GALNT17: variants seen among roughly 807,000 people sequenced by gnomAD.
The protein encoded by GALNT17 is polypeptide N-acetylgalactosaminyltransferase 17.
In GALNT17, 29 loss-of-function variants were observed where a neutral mutation model predicts 63.7. That is an observed-to-expected ratio of 0.46 (90% CI 0.34 to 0.62). The LOEUF is 0.62. Among genes scored for constraint, GALNT17 ranks in the 20% least tolerant of loss-of-function variants. The pLI, the probability that GALNT17 is intolerant of heterozygous loss-of-function variation, is 0.01. For missense variants in GALNT17, 603 were observed against 799.6 expected (o/e 0.75, Z 2.97); for synonymous variants, 305 against 318.3 (o/e 0.96, Z 0.45).
intron 3 of GALNT17, among the ~76,000 whole-genome samples, chr7:71,393,021 TA>T (rs1563059964): frequency 6.6e-6 from 1 of 152,238 alleles, no homozygotes; most frequent in African/African-American, 2.4e-5. Flanking sequence ...GCTATGAGTT[TA>T]TTTTTTTTAA....
At chr7:71,189,456 TTGA>T (rs1200475395) in intron 1 of GALNT17, among the ~76,000 whole-genome samples, 3 of 152,184 alleles carry the variant, frequency 2.0e-5, no homozygotes, top group African/African-American at 7.2e-5. Flanking sequence ...GGTGGCATGT[TTGA>T]TGTGTAGGCG....
At chr7:71,137,196 G>A (rs1299481798) in intron 1 of GALNT17, among the ~76,000 whole-genome samples, 2 of 146,848 alleles carry the variant, frequency 1.4e-5, no homozygotes, top group Non-Finnish European at 3.0e-5. Context: ...CTGGAGCGCA[G>A]TGGCGCGATC....
intron 5 of GALNT17, among the ~76,000 whole-genome samples, chr7:71,452,179 G>T (rs1787274114): frequency 6.6e-6 from 1 of 151,938 alleles, no homozygotes. Flanking sequence ...AGACTTTGAG[G>T]CTGCAGTGAG....
chr7:71,136,769 G>A (rs1787791303), intron 1 of GALNT17, among the ~76,000 whole-genome samples: 1 of 151,566 alleles, frequency 6.6e-6, no homozygotes, highest in African/African-American at 2.4e-5. Flanking sequence ...ACAGGTGTAA[G>A]CCACTGTGCC....
intron 1 of GALNT17, among the ~76,000 whole-genome samples, chr7:71,172,991 T>C (rs4719081): frequency 0.3 from 46,148 of 151,874 alleles, 8,109 homozygotes; most frequent in African/African-American, 0.48. Flanking sequence ...GGGGTTTGGG[T>C]TTTCTTGGCA....
intron 5 of GALNT17, among the ~76,000 whole-genome samples, chr7:71,519,500 G>A (rs921488551): frequency 6.6e-6 from 1 of 152,008 alleles, no homozygotes; most frequent in African/African-American, 2.4e-5. Context: ...GTCTCATTCT[G>A]TCACCCAGGC....
intron 3 of GALNT17, among the ~76,000 whole-genome samples, chr7:71,410,365 G>C (rs1331817584): frequency 2.0e-5 from 3 of 151,838 alleles, no homozygotes; most frequent in Non-Finnish European, 4.4e-5. Context: ...CCCACCTCAG[G>C]CTCCTGAATA....
chr7:71,534,598 C>CAAAA (rs371592743), intron 5 of GALNT17, among the ~76,000 whole-genome samples: 156 of 108,204 alleles, frequency 1.4e-3, no homozygotes, highest in African/African-American at 1.8e-3. Flanking sequence ...GACTCCATCT[C>CAAAA]AAAAAAAAAA....
chr7:71,673,951 C>A (rs1449793983), intron 8 of GALNT17, among the ~76,000 whole-genome samples: 3 of 152,224 alleles, frequency 2.0e-5, no homozygotes, highest in Admixed American at 2.0e-4. Flanking sequence ...AGCTCCAAGT[C>A]TGTGCACTGC....
chr7:71,305,084 G>A (rs150869648), intron 1 of GALNT17, among the ~76,000 whole-genome samples: 9 of 152,296 alleles, frequency 5.9e-5, no homozygotes, highest in East Asian at 1.9e-4. Context: ...CATAGAACAC[G>A]TTTGGGGTAG....
chr7:71,541,692 C>A (rs960313348), intron 5 of GALNT17, among the ~76,000 whole-genome samples: 5 of 152,154 alleles, frequency 3.3e-5, no homozygotes, highest in Non-Finnish European at 7.3e-5. Context: ...TGCCACTAAG[C>A]CACCCTTTCC....
chr7:71,483,640 C>T (rs1326756925), intron 5 of GALNT17, among the ~76,000 whole-genome samples: 1 of 151,772 alleles, frequency 6.6e-6, no homozygotes, highest in Non-Finnish European at 1.5e-5. Flanking sequence ...ACTGCAACCT[C>T]CACCTCCTGG....
chr7:71,409,017 A>AACACACACACACACACAC (rs10674037), intron 3 of GALNT17, among the ~76,000 whole-genome samples: 3 of 144,946 alleles, frequency 2.1e-5, no homozygotes, highest in African/African-American at 5.1e-5. Flanking sequence ...CACATACACA[A>AACACACACACACACACAC]ACACACACAC....
At chr7:71,195,807 T>A (rs1168555902) in intron 1 of GALNT17, among the ~76,000 whole-genome samples, 1 of 152,066 alleles carries the variant, frequency 6.6e-6, no homozygotes, top group Admixed American at 6.6e-5. Flanking sequence ...CCTCATCCTC[T>A]CAAAGCGCTG....
At chr7:71,243,274 G>A (rs1790032546) in intron 1 of GALNT17, among the ~76,000 whole-genome samples, 1 of 152,146 alleles carries the variant, frequency 6.6e-6, no homozygotes, top group Non-Finnish European at 1.5e-5. Context: ...ATGTGGAGCT[G>A]TGAGTCAATT....
chr7:71,255,653 C>T (rs546571156), intron 1 of GALNT17, among the ~76,000 whole-genome samples: 1 of 152,256 alleles, frequency 6.6e-6, no homozygotes, highest in South Asian at 2.1e-4. Context: ...AAGGTGTCCC[C>T]TCTGGAGAGA....
chr7:71,519,749 C>T (rs1218315244), intron 5 of GALNT17, among the ~76,000 whole-genome samples: 2 of 152,156 alleles, frequency 1.3e-5, no homozygotes, highest in Admixed American at 6.5e-5. Context: ...CAGGTGTGAG[C>T]CACCGTGCCC....
chr7:71,399,267 G>A (rs1269108514), intron 3 of GALNT17, among the ~76,000 whole-genome samples: 2 of 152,104 alleles, frequency 1.3e-5, no homozygotes, highest in African/African-American at 4.8e-5. Context: ...GTGGGAGTAG[G>A]AATTTACCGA....
At chr7:71,592,563 C>CATACTAAAA (rs373112898) in intron 6 of GALNT17, among the ~76,000 whole-genome samples, 135 of 69,966 alleles carry the variant, frequency 1.9e-3, no homozygotes, top group Middle Eastern at 0.011. Context: ...GCATAGCATA[C>CATACTAAAA]TAAAATAAAA....
Sources: allele counts gnomAD v4.1 joint callset (sites outside exome capture counted in the v4.1 genomes callset), GRCh38; gene constraint gnomAD v4.1.1; transcripts MANE v1.5; gene names NCBI Gene and HGNC (gene_info 2026-07-23, HGNC 2026-07-21).